Variants in DCUN1D3 observed in about 807,000 individuals in gnomAD.
DCUN1D3 encodes the protein defective in cullin neddylation 1 domain containing 3, also known as DCN1-like protein 3.
Under a neutral mutation model 24.8 loss-of-function variants are expected in DCUN1D3, and 6 were observed. That is an observed-to-expected ratio of 0.24 (90% CI 0.13 to 0.48). The LOEUF (loss-of-function observed/expected upper bound fraction) is 0.48. DCUN1D3 is among the 20% of genes least tolerant of loss of function. The pLI, the probability that DCUN1D3 is intolerant of heterozygous loss-of-function variation, is 0.99. For missense variants in DCUN1D3, 258 were observed against 379.4 expected (o/e 0.68, Z 2.66); for synonymous variants, 120 against 144.9 (o/e 0.83, Z 1.24).
intron 1 of DCUN1D3, among the ~76,000 whole-genome samples, chr16:20,874,547 T>G (rs2081804629): frequency 6.6e-6 from 1 of 152,242 alleles, no homozygotes; most frequent in Non-Finnish European, 1.5e-5. Flanking sequence ...AGTCTTTCTC[T>G]GTACAATAAC....
chr16:20,868,200 A>G (rs2081771770), intron 1 of DCUN1D3, among the ~76,000 whole-genome samples: 1 of 152,250 alleles, frequency 6.6e-6, no homozygotes, highest in Non-Finnish European at 1.5e-5. Context: ...CCTCAGCACA[A>G]TCTGGACATC....
At chr16:20,879,312 C>T (rs981663179) in intron 1 of DCUN1D3, among the ~76,000 whole-genome samples, 7 of 152,164 alleles carry the variant, frequency 4.6e-5, no homozygotes, top group Non-Finnish European at 4.4e-5. Context: ...AAGAAGTCCG[C>T]TTGTGTCAAA....
At chr16:20,869,118 A>C (rs1268607486) in intron 1 of DCUN1D3, 1 of 152,414 alleles carries the variant, frequency 6.6e-6, no homozygotes, top group South Asian at 2.1e-4. Context: ...GCTGAGCCCA[A>C]AGGGCAATCC....
At chr16:20,868,434 A>AACCATT (rs1242921464) in intron 1 of DCUN1D3, among the ~76,000 whole-genome samples, 1 of 152,198 alleles carries the variant, frequency 6.6e-6, no homozygotes, top group African/African-American at 2.4e-5. Flanking sequence ...AACCAAGACA[A>AACCATT]ACCATTGCCA....
At chr16:20,888,502 C>T (rs1230092908) in intron 1 of DCUN1D3, among the ~76,000 whole-genome samples, 6 of 152,096 alleles carry the variant, frequency 3.9e-5, no homozygotes, top group African/African-American at 1.2e-4. Flanking sequence ...TTTGTCACCC[C>T]GAATGGAGTG....
intron 1 of DCUN1D3, among the ~76,000 whole-genome samples, chr16:20,890,383 T>A (rs1346980199): frequency 1.3e-5 from 2 of 152,112 alleles, no homozygotes; most frequent in African/African-American, 4.8e-5. Context: ...ATCCCAGCAC[T>A]TTGAGAGGCC....
intron 1 of DCUN1D3, among the ~76,000 whole-genome samples, chr16:20,880,871 CAAT>C (rs1488003672): frequency 1.3e-5 from 2 of 152,100 alleles, no homozygotes. Context: ...TCCAACTCTC[CAAT>C]AATAATACCC....
At chr16:20,886,044 A>G (rs2081866635) in intron 1 of DCUN1D3, among the ~76,000 whole-genome samples, 1 of 145,508 alleles carries the variant, frequency 6.9e-6, no homozygotes, top group South Asian at 2.2e-4. Flanking sequence ...AGAGTAAACA[A>G]TATTATTCAT....
At chr16:20,876,263 G>T (rs367833548) in intron 1 of DCUN1D3, among the ~76,000 whole-genome samples, 4 of 152,090 alleles carry the variant, frequency 2.6e-5, no homozygotes, top group African/African-American at 9.7e-5. Context: ...CACTGTGCCC[G>T]ACTCTAATCT....
At position 20,855,590 on chromosome 16, in the gene DCUN1D3, T is replaced by C. The variant is rs187035814; in HGVS notation, c.*4296A>G. ...GAACCCAATGGTTATGCAAAGCTAT[T>C]TGAACTATTTTGGCTTCTGCAACCA... is the stretch of plus-strand genomic sequence containing the variant. On this transcript the variant is annotated 3_prime_UTR_variant, in exon 3 of 3. Transcript: ENST00000324344. The C allele has an allele frequency of 6.6e-5, 10 of 152,302 alleles. No homozygotes were observed. In the East Asian group the frequency reaches 1.9e-3, roughly 29 times the overall value. 9.4% of individuals were successfully genotyped at this position (152,302 alleles called of 1,614,324 possible). A position where few individuals can be genotyped will look rare whatever the true frequency, so the allele number is the denominator to read the frequency against.
At chr16:20,881,958 A>T (rs1167845741) in intron 1 of DCUN1D3, among the ~76,000 whole-genome samples, 1 of 151,942 alleles carries the variant, frequency 6.6e-6, no homozygotes, top group Non-Finnish European at 1.5e-5. Context: ...GCATGGTACC[A>T]CGCCCAGCTA....
rs1440259605 is a variant in DCUN1D3 at position 20,863,758 on chromosome 16, TG to T, written c.-105-1116del. Among the ~76,000 whole-genome samples the T allele has an allele frequency of 1.1e-4, 16 of 152,022 alleles. 1 individual carries two copies. The East Asian group carries it at 3.1e-3, about 29-fold the overall frequency. ...TGTGTAAAAAAATTGAAAAAATCAC[TG>T]GTACAAAAACAGGCACACAGACCAA... On this transcript the variant is annotated intron_variant, in intron 1 of 2. Transcript: ENST00000324344.
intron 1 of DCUN1D3, among the ~76,000 whole-genome samples, chr16:20,885,536 G>A (rs562666448): frequency 6.6e-6 from 1 of 151,184 alleles, no homozygotes; most frequent in South Asian, 2.1e-4. Context: ...GGGACTACAG[G>A]TAATTAAGGC....
chr16:20,869,506 C>A (rs1204383739), intron 1 of DCUN1D3, among the ~76,000 whole-genome samples: 3 of 152,166 alleles, frequency 2.0e-5, no homozygotes, highest in Non-Finnish European at 4.4e-5. Flanking sequence ...GGTCTCTTAA[C>A]TACTAAGCAG....
In DCUN1D3 at chr16:20,860,399, C is replaced by A. The variant is rs2152515786; in HGVS notation, c.432-30G>T. The A allele has an allele frequency of 6.3e-7, 1 of 1,592,290 alleles. No individual in the cohort carries two copies. Among genetic ancestry groups the A allele is most frequent in the South Asian group, 1.1e-5 (1 of 87,962 alleles). Reference sequence around the variant, plus strand: ...AACAGAAAGGAAAAGGACAATTAATCATTATAAACTATACTATTTACAGGC... The same window carrying A: ...AACAGAAAGGAAAAGGACAATTAATAATTATAAACTATACTATTTACAGGC... On this transcript the variant is annotated intron_variant, in intron 2 of 2. Transcript: ENST00000324344. The surrounding 1 kb of genome is among the most constrained non-coding windows in gnomAD (Gnocchi z 4.3).
At chr16:20,895,916 G>A (rs1375614403) in intron 1 of DCUN1D3, among the ~76,000 whole-genome samples, 1 of 152,132 alleles carries the variant, frequency 6.6e-6, no homozygotes, top group Non-Finnish European at 1.5e-5. Flanking sequence ...AAAACAACTG[G>A]CAACTACTGC....
At chr16:20,885,456 G>A (rs940391547) in intron 1 of DCUN1D3, among the ~76,000 whole-genome samples, 2 of 151,754 alleles carry the variant, frequency 1.3e-5, no homozygotes, top group African/African-American at 4.8e-5. Flanking sequence ...AAGATCACTT[G>A]CAAACACAGA....
intron 1 of DCUN1D3, among the ~76,000 whole-genome samples, chr16:20,882,818 T>A (rs1467599682): frequency 1.3e-5 from 2 of 152,250 alleles, no homozygotes; most frequent in Non-Finnish European, 2.9e-5. Context: ...GCATTACATT[T>A]TGGAGGCCAA....
chr16:20,884,904 GA>G, intron 1 of DCUN1D3, among the ~76,000 whole-genome samples: 1 of 151,556 alleles, frequency 6.6e-6, no homozygotes, highest in East Asian at 1.9e-4. Flanking sequence ...AACAGAGTAA[GA>G]CCCCATCTCA....
Sources: gnomAD v4.1 joint callset for allele counts (sites outside exome capture counted in the v4.1 genomes callset) on GRCh38, gnomAD v4.1.1 for gene constraint, Gnocchi (gnomAD v3.1) non-coding constraint, MANE v1.5 for transcripts, NCBI Gene and HGNC (gene_info 2026-07-23, HGNC 2026-07-21) for gene names.